The following THSD7B variants were observed in gnomAD, a reference collection of about 807,000 sequenced individuals.
The protein encoded by THSD7B is thrombospondin type-1 domain-containing protein 7B.
Under a neutral mutation model 213.6 loss-of-function variants are expected in THSD7B, and 138 were observed. The observed-to-expected ratio is 0.65, with a 90% CI of 0.56 to 0.74. The LOEUF (loss-of-function observed/expected upper bound fraction) is 0.74, where lower values mean the gene tolerates loss of function less well. Among genes scored for constraint, THSD7B ranks in the 30% least tolerant of loss-of-function variants. THSD7B has a pLI of 0.00. For synonymous variants in THSD7B, 742 were observed against 687.0 expected (o/e 1.08, Z -1.25); for missense variants, 1,931 against 1,991.5 (o/e 0.97, Z 0.58).
At chr2:136,994,795 C>A (rs1284397018) in intron 2 of THSD7B, among the ~76,000 whole-genome samples, 1 of 152,138 alleles carries the variant, frequency 6.6e-6, no homozygotes, top group East Asian at 1.9e-4. Flanking sequence ...ATACAGATTA[C>A]CCTCCTGAAA....
intron 15 of THSD7B, among the ~76,000 whole-genome samples, chr2:137,526,459 T>C (rs903641633): frequency 6.6e-6 from 1 of 152,108 alleles, no homozygotes; most frequent in African/African-American, 2.4e-5. Context: ...TCTCGCTCTG[T>C]CACCTAGGCT....
Position 137,616,267 on chromosome 2 carries a change from GCCTTGCCT to G in THSD7B, c.3520_3527del (p.Cys1174GlufsTer2). The G allele has an allele frequency of 1.9e-6, 3 of 1,613,732 alleles. No individual in the cohort carries two copies. Among genetic ancestry groups the G allele is most frequent in the Non-Finnish European group, 1.7e-6 (2 of 1,179,698 alleles). ...CTTGTGCTGAAGACTCACAGGTGCA[GCCTTGCCT>G]CCTGAATGAAAATTGCTTCCAGTTC... On this transcript the variant is annotated frameshift_variant, in exon 18 of 28. Coordinates refer to ENST00000409968, the MANE Select transcript of THSD7B (RefSeq NM_001316349.2). LOFTEE classifies it high-confidence loss of function.
chr2:136,968,726 T>G (rs950072295), intron 2 of THSD7B, among the ~76,000 whole-genome samples: 1 of 152,120 alleles, frequency 6.6e-6, no homozygotes, highest in Non-Finnish European at 1.5e-5. Context: ...TTAAAAGATT[T>G]TAATATTTAA....
intron 3 of THSD7B, among the ~76,000 whole-genome samples, chr2:137,058,797 T>C (rs1245618962): frequency 6.6e-6 from 1 of 152,118 alleles, no homozygotes; most frequent in Non-Finnish European, 1.5e-5. Flanking sequence ...TTCCTCTCAC[T>C]CTTTTTCTGC....
chr2:137,676,190 G>A (rs1683694930), intron 27 of THSD7B, among the ~76,000 whole-genome samples: 2 of 152,198 alleles, frequency 1.3e-5, no homozygotes, highest in African/African-American at 2.4e-5. Flanking sequence ...ATGATGTTGA[G>A]CATCTGTGAT....
At chr2:137,169,285 G>GT (rs1193889276) in intron 6 of THSD7B, among the ~76,000 whole-genome samples, 1 of 120,078 alleles carries the variant, frequency 8.3e-6, no homozygotes, top group African/African-American at 2.9e-5. Context: ...CTTTATTTGA[G>GT]GTTTTTTTTT....
At chr2:136,821,597 G>T (rs1190429663) in intron 1 of THSD7B, among the ~76,000 whole-genome samples, 2 of 152,180 alleles carry the variant, frequency 1.3e-5, no homozygotes, top group Admixed American at 6.5e-5. Flanking sequence ...GCTGGACTTG[G>T]TGGAGAAGGT....
intron 2 of THSD7B, among the ~76,000 whole-genome samples, chr2:136,919,970 G>A (rs1684408113): frequency 6.6e-6 from 1 of 152,248 alleles, no homozygotes; most frequent in African/African-American, 2.4e-5. Flanking sequence ...CTGGAAGCTT[G>A]GAGATGTCAG....
chr2:137,568,271 A>G (rs1397521617), intron 16 of THSD7B, among the ~76,000 whole-genome samples: 1 of 152,086 alleles, frequency 6.6e-6, no homozygotes, highest in African/African-American at 2.4e-5. Context: ...GCAGTTTTGC[A>G]ATGAATTTGA....
intron 12 of THSD7B, among the ~76,000 whole-genome samples, chr2:137,293,180 C>G (rs1454487178): frequency 6.6e-6 from 1 of 151,562 alleles, no homozygotes; most frequent in Non-Finnish European, 1.5e-5. Context: ...TCTGTATCAT[C>G]CAGGCTGGAG....
chr2:137,642,192 T>C (rs1020581433), intron 20 of THSD7B: 4 of 251,872 alleles, frequency 1.6e-5, no homozygotes, highest in Non-Finnish European at 3.0e-5. Flanking sequence ...ATTAAATGAA[T>C]TGACAGTCTA....
At chr2:137,515,376 G>A (rs1318361870) in intron 15 of THSD7B, among the ~76,000 whole-genome samples, 2 of 152,084 alleles carry the variant, frequency 1.3e-5, no homozygotes, top group African/African-American at 4.8e-5. Context: ...CTCCCCTGAG[G>A]CAGTTGCCAG....
At chr2:137,115,955 G>A (rs936909278) in intron 5 of THSD7B, among the ~76,000 whole-genome samples, 1 of 152,168 alleles carries the variant, frequency 6.6e-6, no homozygotes, top group Admixed American at 6.5e-5. Context: ...AAGAATTTGT[G>A]ACCTGTTCTA....
At chr2:136,807,234 G>T (rs1287065184) in intron 1 of THSD7B, among the ~76,000 whole-genome samples, 4 of 152,080 alleles carry the variant, frequency 2.6e-5, no homozygotes, top group Non-Finnish European at 5.9e-5. Context: ...TTGAGGAGAG[G>T]AATATTTATG....
At chr2:137,452,019 T>C (rs2105067479) in intron 15 of THSD7B, 1 of 937,040 alleles carries the variant, frequency 1.1e-6, no homozygotes, top group Non-Finnish European at 1.3e-6. Flanking sequence ...TTCTTAATTA[T>C]AATAGCATGT....
chr2:136,977,241 A>C (rs1685496045), intron 2 of THSD7B, among the ~76,000 whole-genome samples: 1 of 152,108 alleles, frequency 6.6e-6, no homozygotes, highest in African/African-American at 2.4e-5. Flanking sequence ...AGATGTTTAT[A>C]GTATTCTCTG....
chr2:137,574,003 T>G (rs12019179), intron 17 of THSD7B, among the ~76,000 whole-genome samples: 3,329 of 152,214 alleles, frequency 0.022, 125 homozygotes, highest in African/African-American at 0.076. Context: ...TATGTTTATA[T>G]TTTAGAAAGT....
At chr2:137,537,824 A>G (rs1475273237) in intron 15 of THSD7B, among the ~76,000 whole-genome samples, 1 of 151,710 alleles carries the variant, frequency 6.6e-6, no homozygotes, top group Non-Finnish European at 1.5e-5. Flanking sequence ...ATTTTATACC[A>G]GGCACTGGGT....
intron 15 of THSD7B, among the ~76,000 whole-genome samples, chr2:137,536,443 A>G (rs1209413359): frequency 1.3e-5 from 2 of 151,606 alleles, no homozygotes; most frequent in African/African-American, 4.8e-5. Flanking sequence ...CCCAGGGTGA[A>G]AATTAAGCAG....
Sources: allele counts gnomAD v4.1 joint callset (sites outside exome capture counted in the v4.1 genomes callset), GRCh38; gene constraint gnomAD v4.1.1; transcripts MANE v1.5; gene names NCBI Gene and HGNC (gene_info 2026-07-23, HGNC 2026-07-21).